The following TRIM2 variants were observed in gnomAD, a reference collection of about 807,000 sequenced individuals.
The protein encoded by TRIM2 is tripartite motif-containing protein 2.
A neutral mutation model predicts 75.2 loss-of-function variants in TRIM2; 20 were observed. That is an observed-to-expected ratio of 0.27 (90% confidence interval 0.19 to 0.39). TRIM2 has a LOEUF of 0.39. Among genes scored for constraint, TRIM2 ranks in the 10% least tolerant of loss-of-function variants. The pLI, the probability that TRIM2 is intolerant of heterozygous loss-of-function variation, is 1.00. For missense variants in TRIM2, 660 were observed against 990.8 expected (o/e 0.67, Z 4.48); for synonymous variants, 373 against 388.3 (o/e 0.96, Z 0.46).
At chr4:153,289,529 T>G (rs985009397) in intron 3 of TRIM2, among the ~76,000 whole-genome samples, 3 of 152,226 alleles carry the variant, frequency 2.0e-5, no homozygotes, top group Non-Finnish European at 4.4e-5. Flanking sequence ...CATGATGAAC[T>G]CTGGTCTTGA....
intron 6 of TRIM2, among the ~76,000 whole-genome samples, chr4:153,304,577 A>G (rs1242542514): frequency 1.3e-5 from 2 of 152,144 alleles, no homozygotes; most frequent in Non-Finnish European, 2.9e-5. Context: ...ATTTTGGAGC[A>G]TCAAATGAAA....
At position 153,338,251 on chromosome 4, in the gene TRIM2, C is replaced by T. The variant is rs115250313; in HGVS notation, c.*3285C>T. The T allele has an allele frequency of 7.5e-4, 743 of 985,782 alleles. 9 individuals carry two copies. The African/African-American group carries it at 0.012, about 15-fold the overall frequency. The allele number at this position is 985,782 out of a possible 1,614,324, so 61.1% of individuals were successfully genotyped here. A position where few individuals can be genotyped will look rare whatever the true frequency, so the allele number is the denominator to read the frequency against. ...GTTAACAGAAATGCTTTGGTAATACCTACTTAGTTAATTGGAGGAAGTAGT... is the reference window on the plus strand; with the variant it reads ...GTTAACAGAAATGCTTTGGTAATACTTACTTAGTTAATTGGAGGAAGTAGT... On this transcript the variant is annotated 3_prime_UTR_variant, in exon 12 of 12. Coordinates refer to ENST00000338700, the MANE Select transcript of TRIM2 (RefSeq NM_015271.5).
intron 6 of TRIM2, among the ~76,000 whole-genome samples, chr4:153,313,964 A>G (rs1423865070): frequency 1.3e-5 from 2 of 152,156 alleles, no homozygotes; most frequent in African/African-American, 2.4e-5. Flanking sequence ...TATAAATGAA[A>G]TTATAAACCT....
intron 1 of TRIM2, among the ~76,000 whole-genome samples, chr4:153,235,247 T>G (rs767622423): frequency 3.3e-5 from 5 of 152,062 alleles, no homozygotes; most frequent in Non-Finnish European, 5.9e-5. Flanking sequence ...TGTTCCTCTG[T>G]AAAATGGGAA....
chr4:153,238,565 T>C (rs1163247003), intron 1 of TRIM2, among the ~76,000 whole-genome samples: 1 of 152,166 alleles, frequency 6.6e-6, no homozygotes, highest in Non-Finnish European at 1.5e-5. Flanking sequence ...GAAAAGCATG[T>C]ATAAAGGTAT....
At chr4:153,326,521 G>A (rs1181652924) in intron 10 of TRIM2, among the ~76,000 whole-genome samples, 1 of 152,184 alleles carries the variant, frequency 6.6e-6, no homozygotes, top group Non-Finnish European at 1.5e-5. Flanking sequence ...CATATCTATA[G>A]GTCAGTGCTA....
At chr4:153,155,847 C>T (rs930852847) in intron 1 of TRIM2, among the ~76,000 whole-genome samples, 15 of 152,142 alleles carry the variant, frequency 9.9e-5, no homozygotes, top group Middle Eastern at 3.2e-3. Context: ...GGTAGAGAAA[C>T]GTTGGTCCAT....
At chr4:153,257,094 T>G (rs1752249757) in intron 1 of TRIM2, among the ~76,000 whole-genome samples, 1 of 152,234 alleles carries the variant, frequency 6.6e-6, no homozygotes, top group South Asian at 2.1e-4. Flanking sequence ...AGTTTCTTCC[T>G]AGAATCTATT....
At chr4:153,285,741 A>G (rs1017881909) in intron 3 of TRIM2, among the ~76,000 whole-genome samples, 2 of 145,866 alleles carry the variant, frequency 1.4e-5, no homozygotes, top group Non-Finnish European at 3.0e-5. Flanking sequence ...TATTAGCTCT[A>G]ATTGTGTGAA....
chr4:153,229,457 C>T (rs1743031761), intron 1 of TRIM2, among the ~76,000 whole-genome samples: 1 of 152,220 alleles, frequency 6.6e-6, no homozygotes, highest in East Asian at 1.9e-4. Context: ...AGGGTTTTGC[C>T]GTGTTGCCCA....
chr4:153,202,731 A>G (rs1300046719), upstream of TRIM2, among the ~76,000 whole-genome samples: 1 of 151,252 alleles, frequency 6.6e-6, no homozygotes, highest in Admixed American at 6.6e-5. Context: ...CATATAAGGA[A>G]AAAAAGCCCT....
At chr4:153,296,244 C>G (rs2150147291) in intron 6 of TRIM2, among the ~76,000 whole-genome samples, 1 of 152,334 alleles carries the variant, frequency 6.6e-6, no homozygotes, top group Admixed American at 6.5e-5. Flanking sequence ...CGCCTCTAGT[C>G]TCCTCCCTAC....
chr4:153,274,313 T>A (rs1757541478), intron 2 of TRIM2, among the ~76,000 whole-genome samples: 1 of 152,194 alleles, frequency 6.6e-6, no homozygotes, highest in Non-Finnish European at 1.5e-5. Context: ...TTGGACATGC[T>A]TTGGTGATGG....
intron 10 of TRIM2, among the ~76,000 whole-genome samples, chr4:153,324,973 A>C (rs562771346): frequency 6.6e-6 from 1 of 152,234 alleles, no homozygotes; most frequent in African/African-American, 2.4e-5. Context: ...ACATTAATCT[A>C]AATTTTAAAA....
At chr4:153,266,130 A>T (rs1000061535) in intron 1 of TRIM2, among the ~76,000 whole-genome samples, 4 of 152,204 alleles carry the variant, frequency 2.6e-5, no homozygotes, top group Admixed American at 6.5e-5. Context: ...ACACTCTTGT[A>T]TAGCAGGTGC....
chr4:153,306,128 C>CA (rs200865610), intron 6 of TRIM2, among the ~76,000 whole-genome samples: 3,554 of 112,310 alleles, frequency 0.032, 79 homozygotes, highest in African/African-American at 0.073. Context: ...GACTCCATCT[C>CA]AAAAAAAAAA....
chr4:153,229,663 G>GA (rs1221631318), intron 1 of TRIM2, among the ~76,000 whole-genome samples: 2 of 152,176 alleles, frequency 1.3e-5, no homozygotes, highest in Non-Finnish European at 2.9e-5. Context: ...CATTTGCTTG[G>GA]AACAGTTGAA....
intron 11 of TRIM2, among the ~76,000 whole-genome samples, chr4:153,333,319 A>G (rs552729617): frequency 1.2e-4 from 19 of 152,360 alleles, no homozygotes; most frequent in African/African-American, 4.3e-4. Flanking sequence ...AGGATTAGAG[A>G]TGTGAGGAAA....
At chr4:153,304,167 G>A (rs186269488) in intron 6 of TRIM2, among the ~76,000 whole-genome samples, 1 of 152,050 alleles carries the variant, frequency 6.6e-6, no homozygotes, top group Admixed American at 6.6e-5. Flanking sequence ...AGGCCGAAGT[G>A]CAGTGACATG....
Sources: allele counts gnomAD v4.1 joint callset (sites outside exome capture counted in the v4.1 genomes callset), GRCh38; gene constraint gnomAD v4.1.1; transcripts MANE v1.5; gene names NCBI Gene and HGNC (gene_info 2026-07-23, HGNC 2026-07-21).